Variants in PTBP2 observed in about 807,000 individuals in gnomAD.
PTBP2 encodes the protein polypyrimidine tract binding protein 2, also known as polypyrimidine tract-binding protein 2.
Under a neutral mutation model 61.4 loss-of-function variants are expected in PTBP2, and 13 were observed. The observed-to-expected ratio is 0.21, with a 90% CI of 0.14 to 0.34. The LOEUF is 0.34. PTBP2 is among the 10% of genes least tolerant of loss of function. The pLI is 1.00. For synonymous variants in PTBP2, 215 were observed against 218.5 expected, an observed-to-expected ratio of 0.98 and a Z score of 0.14; for missense variants, 405 against 642.6, an observed-to-expected ratio of 0.63 and a Z score of 4.00.
chr1:96,804,207 T>C (rs1325695133), intron 8 of PTBP2, among the ~76,000 whole-genome samples: 1 of 152,198 alleles, frequency 6.6e-6, no homozygotes, highest in African/African-American at 2.4e-5. Flanking sequence ...GAACTTGTAT[T>C]CATTTTAATT....
rs1482947908 is a variant in PTBP2, at chr1:96,777,660, G to A, written c.508G>A (p.Glu170Lys). The A allele has an allele frequency of 1.2e-6, 2 of 1,613,244 alleles. No individual in the cohort carries two copies. The highest frequency in any genetic ancestry group is 1.7e-6 in the Non-Finnish European group (2 of 1,179,426). Residue 170 changes from glutamate to lysine, a missense_variant, in exon 6 of 14, where the codon GAG becomes AAG. By Grantham distance (56) the Glu-to-Lys change is moderately conservative (BLOSUM62 1). Coordinates refer to ENST00000674951, the MANE Select transcript of PTBP2 (RefSeq NM_021190.4). The stretch of plus-strand genomic sequence containing the variant: ...TCCTCTTAGTGGCACCACAGTTAGC[G>A]AGAGTGCAGTGACTCCAGCCCAGAG... ...NTPLSGTTVS[E>K]SAVTPAQSPV... is the part of the protein sequence containing the mutation.
Position 96,813,062 on chromosome 1 carries a change from G to C in PTBP2, c.1422G>C (p.Leu474=). The change falls in exon 13 of 14, where the codon CTG becomes CTC. Residue 474 remains leucine, a synonymous_variant. Transcript: ENST00000674951. ...TAGCAGAAGAGGATCTACGAACACT[G>C]TTCGCTAACACTGGGGGCACTGTGA... ...PSVAEEDLRT[L]FANTGGTVKA... is the part of the protein sequence containing the mutation. The C allele has an allele frequency of 6.2e-7, 1 of 1,613,420 alleles. No individual in the cohort carries two copies. Among genetic ancestry groups the C allele is most frequent in the Non-Finnish European group, 8.5e-7 (1 of 1,179,550 alleles).
intron 11 of PTBP2, among the ~76,000 whole-genome samples, chr1:96,810,281 GTGTAAGATTCACA>G (rs1328909270): frequency 3.3e-5 from 5 of 152,146 alleles, no homozygotes; most frequent in African/African-American, 1.2e-4. Context: ...GAGAGTTCAA[GTGTAAGATTCACA>G]TTGTTTAAAA....
At chr1:96,754,982 T>TA (rs1367062920) in intron 3 of PTBP2, among the ~76,000 whole-genome samples, 2 of 152,106 alleles carry the variant, frequency 1.3e-5, no homozygotes, top group African/African-American at 2.4e-5. Flanking sequence ...CACAATCTAT[T>TA]AAAAAATGGA....
chr1:96,786,740 A>G (rs1053996290), intron 8 of PTBP2, among the ~76,000 whole-genome samples: 3 of 152,192 alleles, frequency 2.0e-5, no homozygotes, highest in African/African-American at 7.2e-5. Context: ...TGAAAAATTC[A>G]CATGCAACTC....
At chr1:96,746,518 G>A (rs958116873) in intron 2 of PTBP2, among the ~76,000 whole-genome samples, 2 of 151,834 alleles carry the variant, frequency 1.3e-5, no homozygotes, top group Admixed American at 6.6e-5. Context: ...TAAAATGTGA[G>A]CTTATTATTT....
At chr1:96,796,586 A>G (rs1472888266) in intron 8 of PTBP2, among the ~76,000 whole-genome samples, 4 of 152,216 alleles carry the variant, frequency 2.6e-5, no homozygotes, top group African/African-American at 9.6e-5. Context: ...GTGGATAACA[A>G]AATATTTCTA....
chr1:96,721,930 G>A (rs912346169), intron 1 of PTBP2, 58 bp downstream of exon 1: 21 of 1,555,252 alleles, frequency 1.4e-5, no homozygotes, highest in African/African-American at 6.8e-5. Flanking sequence ...CCGTCCTTCG[G>A]CCCGGTCCCG....
chr1:96,761,146 A>G (rs186090427), intron 3 of PTBP2, among the ~76,000 whole-genome samples: 2 of 152,322 alleles, frequency 1.3e-5, no homozygotes, highest in Admixed American at 1.3e-4. Context: ...CAGAAAGGGA[A>G]TATGGTGGCA....
exon 14 of PTBP2, chr1:96,822,258 G>T (rs1052611322): frequency 1.3e-5 from 2 of 152,132 alleles, no homozygotes; most frequent in Admixed American, 6.5e-5. Flanking sequence ...GAAGGTAGTT[G>T]TATTACCTGG....
At chr1:96,727,504 T>C (rs537277236) in intron 2 of PTBP2, among the ~76,000 whole-genome samples, 1 of 152,352 alleles carries the variant, frequency 6.6e-6, no homozygotes, top group Non-Finnish European at 1.5e-5. Context: ...CCATCTTACA[T>C]TGCCATCAGC....
chr1:96,804,922 A>G lies in PTBP2; in HGVS notation c.1027A>G (p.Ser343Gly). The change falls in exon 9 of 14, where the codon AGC (serine) becomes GGC (glycine). Residue 343 changes from serine (S) to glycine (G), a missense_variant. Transcript: ENST00000674951. ...TGGTGGCAATACAGTCCTGTTGGTTAGCAATTTAAATGAAGAGGTTAGTAA... is the reference window on the plus strand; with the variant it reads ...TGGTGGCAATACAGTCCTGTTGGTTGGCAATTTAAATGAAGAGGTTAGTAA... ...SAGGNTVLLV[S>G]NLNEEMVTPQ... 1.9e-6 allele frequency: 3 copies of G among 1,591,678 alleles called. No homozygotes were observed. Among genetic ancestry groups the G allele is most frequent in the Non-Finnish European group, 1.7e-6 (2 of 1,167,302 alleles).
intron 8 of PTBP2, among the ~76,000 whole-genome samples, chr1:96,798,713 T>C (rs933728468): frequency 6.6e-6 from 1 of 152,220 alleles, no homozygotes; most frequent in African/African-American, 2.4e-5. Flanking sequence ...GGAAATCTGA[T>C]AATGGACTTT....
intron 2 of PTBP2, among the ~76,000 whole-genome samples, chr1:96,739,618 G>GGTTTTTTTTTTTTTTTTT (rs1232683663): frequency 3.6e-5 from 3 of 83,802 alleles, no homozygotes; most frequent in African/African-American, 5.6e-5. Flanking sequence ...ACTGGTGTGT[G>GGTTTTTTTTTTTTTTTTT]TTTTTTTTTT....
chr1:96,737,216 C>G (rs182204714), intron 2 of PTBP2, among the ~76,000 whole-genome samples: 2 of 151,870 alleles, frequency 1.3e-5, no homozygotes, highest in African/African-American at 2.4e-5. Context: ...TCTGCCCACC[C>G]TGGCCTCCCA....
downstream of PTBP2, chr1:96,819,810 G>A (rs1662619036): frequency 6.6e-6 from 1 of 151,536 alleles, no homozygotes; most frequent in Non-Finnish European, 1.5e-5. Flanking sequence ...AAGCATTCAT[G>A]TATTTATTAC....
chr1:96,723,675 A>C, intron 2 of PTBP2, 81 bp downstream of exon 2: 1 of 1,306,694 alleles, frequency 7.7e-7, no homozygotes, highest in East Asian at 2.4e-5. Context: ...TTGCTTTTGA[A>C]AACTATAACG....
At chr1:96,816,113 C>A (rs974772052), downstream of PTBP2, 1 of 152,126 alleles carries the variant, frequency 6.6e-6, no homozygotes, top group Non-Finnish European at 1.5e-5. Context: ...GGTGGGAGTT[C>A]CCAGTCTCCC....
intron 5 of PTBP2, among the ~76,000 whole-genome samples, chr1:96,775,870 A>G (rs1309304636): frequency 6.6e-6 from 1 of 152,138 alleles, no homozygotes; most frequent in Non-Finnish European, 1.5e-5. Context: ...TAAAAGGAAG[A>G]TAGAGAACAA....
Sources: gnomAD v4.1 joint callset for allele counts (sites outside exome capture counted in the v4.1 genomes callset) on GRCh38, gnomAD v4.1.1 for gene constraint, MANE v1.5 for transcripts, NCBI Gene and HGNC (gene_info 2026-07-23, HGNC 2026-07-21) for gene names.